Variants in E2F7 observed in about 807,000 individuals in gnomAD.
E2F7 encodes transcription factor E2F7.
A neutral mutation model predicts 81.1 loss-of-function variants in E2F7; 35 were observed. The ratio of observed to expected loss-of-function variants is 0.43; its 90% CI spans 0.33 to 0.57. E2F7 has a LOEUF of 0.57. Among genes scored for constraint, E2F7 ranks in the 20% least tolerant of loss-of-function variants. The pLI is 0.04. For synonymous variants in E2F7, 416 were observed against 416.2 expected (o/e 1.00, Z 0.01); for missense variants, 961 against 1,093.7 (o/e 0.88, Z 1.71).
At chr12:77,044,512 A>T in intron 6 of E2F7, 125 bp downstream of exon 6, 1 of 1,231,878 alleles carries the variant, frequency 8.1e-7, no homozygotes, top group African/African-American at 1.5e-5. Context: ...ACCTTGATGA[A>T]TGCAGGAAAG....
intron 1 of E2F7, 164 bp from the exon 2 acceptor site, chr12:77,064,799 A>G: frequency 1.7e-6 from 1 of 584,212 alleles, no homozygotes; most frequent in Non-Finnish European, 3.0e-6. Flanking sequence ...ACTTTCTAAA[A>G]CTCACGCGAA....
intron 2 of E2F7, among the ~76,000 whole-genome samples, chr12:77,057,440 C>T (rs968644504): frequency 6.6e-6 from 1 of 152,096 alleles, no homozygotes; most frequent in Non-Finnish European, 1.5e-5. Flanking sequence ...AAACTCCTGG[C>T]TTCAAGTAAT....
chr12:77,044,739 T>A lies in E2F7; in HGVS notation c.886A>T (p.Met296Leu). The change falls in exon 6 of 13, where the codon ATG becomes TTG. Residue 296 changes from methionine to leucine, a missense_variant. Transcript: ENST00000322886. ...SLRIMSQKFV[M>L]LFLVSKTKIV... ...TTGGTTTTGGAGACGAGGAACAGCA[T>A]GACAAACTTCTGGCTCATAATTCTC... 1.2e-6 allele frequency: 2 copies of A among 1,614,178 alleles called. No homozygotes were observed. Among genetic ancestry groups the A allele is most frequent in the Non-Finnish European group, 1.7e-6 (2 of 1,180,014 alleles).
At chr12:77,043,020 G>C (rs747796626) in intron 7 of E2F7, 45 bp downstream of exon 7, 1 of 1,613,148 alleles carries the variant, frequency 6.2e-7, no homozygotes, top group Non-Finnish European at 8.5e-7. Flanking sequence ...AAGGAACTGA[G>C]AATTCTAAAT....
intron 9 of E2F7, among the ~76,000 whole-genome samples, chr12:77,030,834 G>C (rs1392591889): frequency 1.3e-5 from 2 of 152,102 alleles, no homozygotes; most frequent in South Asian, 4.1e-4. Flanking sequence ...TCTGTTTGAT[G>C]GCAAAACCCA....
At position 77,022,732 on chromosome 12, in the gene E2F7, C is replaced by G. The variant is rs1229315474; in HGVS notation, c.*1283G>C. The stretch of plus-strand genomic sequence containing the variant: ...GAGACAAGAGAGAGGTAAATATCAG[C>G]AAGTCTAGGAATACAAAGAACTAGT... On this transcript the variant is annotated 3_prime_UTR_variant, in exon 13 of 13. Transcript: ENST00000322886. 1 of 152,206 alleles carries G rather than the reference C, an allele frequency of 6.6e-6. No homozygotes were observed. The highest frequency in any genetic ancestry group is 1.5e-5 in the Non-Finnish European group (1 of 67,996). 9.4% of individuals were successfully genotyped at this position (152,206 alleles called of 1,614,324 possible).
chr12:77,024,000 T>G lies in E2F7; in HGVS notation c.*15A>C, dbSNP rs777383974. ...CAGGGCGTTTGATCCCACCCCCACCTGGCAAAGCGGCAGGTTAGTCAGCGC... is the reference window on the plus strand; with the variant it reads ...CAGGGCGTTTGATCCCACCCCCACCGGGCAAAGCGGCAGGTTAGTCAGCGC... On this transcript the variant is annotated 3_prime_UTR_variant, in exon 13 of 13. Transcript: ENST00000322886. The G allele has an allele frequency of 1.5e-6, 2 of 1,360,712 alleles. No individual in the cohort carries two copies. The highest frequency in any genetic ancestry group is 3.6e-5 in the Admixed American group (2 of 55,840). The allele number at this position is 1,360,712 out of a possible 1,614,324, so 84.3% of individuals were successfully genotyped here. A position where few individuals can be genotyped will look rare whatever the true frequency, so the allele number is the denominator to read the frequency against.
rs559730844 is a variant in E2F7 at position 77,023,910 on chromosome 12, G to C, written c.*105C>G. On this transcript the variant is annotated 3_prime_UTR_variant, in exon 13 of 13. Transcript: ENST00000322886. ...GAAGTTAACAGAAGTGTGGATGAAA[G>C]AGAGAGGAAGGACCCGTGCTCAGGA... The C allele has an allele frequency of 5.9e-6, 8 of 1,347,040 alleles. No individual in the cohort carries two copies. The African/African-American group carries it at 8.8e-5, about 15-fold the overall frequency. The allele number at this position is 1,347,040 out of a possible 1,614,324, so 83.4% of individuals were successfully genotyped here.
At chr12:77,044,214 A>G in intron 6 of E2F7, 1 of 447,828 alleles carries the variant, frequency 2.2e-6, no homozygotes. Flanking sequence ...ATGTCCCACC[A>G]CCCTTACCCT....
At chr12:77,031,256 G>A (rs1954805109) in intron 9 of E2F7, among the ~76,000 whole-genome samples, 1 of 152,028 alleles carries the variant, frequency 6.6e-6, no homozygotes, top group Admixed American at 6.6e-5. Context: ...CAATGTTTGG[G>A]CCTTTTGTTT....
At chr12:77,058,126 G>A (rs1160445103) in intron 2 of E2F7, among the ~76,000 whole-genome samples, 1 of 152,100 alleles carries the variant, frequency 6.6e-6, no homozygotes, top group African/African-American at 2.4e-5. Flanking sequence ...GTAAGTACTC[G>A]GCCCAGAATG....
At chr12:77,037,858 G>A (rs967869074) in intron 7 of E2F7, among the ~76,000 whole-genome samples, 1 of 151,984 alleles carries the variant, frequency 6.6e-6, no homozygotes, top group Non-Finnish European at 1.5e-5. Context: ...CAACTGAAAA[G>A]CATAAATGGT....
chr12:77,026,163 A>G (rs1267885782), intron 11 of E2F7, among the ~76,000 whole-genome samples, 181 bp from the exon 12 acceptor site: 2 of 152,170 alleles, frequency 1.3e-5, no homozygotes, highest in African/African-American at 4.8e-5. Flanking sequence ...TGTGGCCAAG[A>G]TTGTAATCCC....
rs1258680501 is a variant in E2F7, at chr12:77,022,045, A to AAGAT, written c.*1966_*1969dup. 1 of 152,170 alleles carries AAGAT rather than the reference A, an allele frequency of 6.6e-6. No individual in the cohort carries two copies. The highest frequency in any genetic ancestry group is 1.5e-5 in the Non-Finnish European group (1 of 68,020). The allele number at this position is 152,170 out of a possible 1,614,324, so 9.4% of individuals were successfully genotyped here. A position where few individuals can be genotyped will look rare whatever the true frequency, so the allele number is the denominator to read the frequency against. On this transcript the variant is annotated 3_prime_UTR_variant, in exon 13 of 13. Coordinates refer to ENST00000322886, the MANE Select transcript of E2F7 (RefSeq NM_203394.3). Reference sequence around the variant, plus strand: ...CATATCATGATCAGAATAATAAAAAAAGATAGCAAAAATGTTAAAACAAGT... The same window carrying AAGAT: ...CATATCATGATCAGAATAATAAAAAAAGATAGATAGCAAAAATGTTAAAACAAGT...
At chr12:77,040,110 T>G (rs948323611) in intron 7 of E2F7, among the ~76,000 whole-genome samples, 1 of 152,224 alleles carries the variant, frequency 6.6e-6, no homozygotes, top group African/African-American at 2.4e-5. Flanking sequence ...TGTGAGCCTC[T>G]GGTTACAATA....
rs7975299 is a variant in E2F7, at chr12:77,047,400, C to T, written c.539-1072G>A. Among the ~76,000 whole-genome samples, 19 of 152,114 alleles carry T rather than the reference C, an allele frequency of 1.2e-4. 1 individual carries two copies. The highest frequency in any genetic ancestry group is 1.1e-3 in the Admixed American group (17 of 15,270). ...TTGTCATTCCTTTTGGCATGACATT[C>T]GTTATACCTAAAATCCCTGCTAGCA... On this transcript the variant is annotated intron_variant, in intron 4 of 12. Transcript: ENST00000322886.
At chr12:77,040,731 G>A (rs2091348360) in intron 7 of E2F7, among the ~76,000 whole-genome samples, 1 of 152,104 alleles carries the variant, frequency 6.6e-6, no homozygotes, top group Non-Finnish European at 1.5e-5. Flanking sequence ...GCAGGAGGAG[G>A]CTTTTGAAGG....
At chr12:77,044,934 C>A in intron 5 of E2F7, 139 bp from the exon 6 acceptor site, 1 of 997,306 alleles carries the variant, frequency 1.0e-6, no homozygotes, top group Non-Finnish European at 1.4e-6. Context: ...TTACTGGATA[C>A]ACATCACAGA....
At chr12:77,042,907 G>T (rs1954905188) in intron 7 of E2F7, among the ~76,000 whole-genome samples, 158 bp downstream of exon 7, 2 of 152,116 alleles carry the variant, frequency 1.3e-5, no homozygotes, top group African/African-American at 2.4e-5. Flanking sequence ...TGCACAATTT[G>T]TAGGCTAATG....
Sources: allele counts gnomAD v4.1 joint callset (sites outside exome capture counted in the v4.1 genomes callset), GRCh38; gene constraint gnomAD v4.1.1; transcripts MANE v1.5; gene names NCBI Gene and HGNC (gene_info 2026-07-23, HGNC 2026-07-21).